The following TAFA5 variants were observed in gnomAD, a reference collection of about 807,000 sequenced individuals.
The protein encoded by TAFA5 is chemokine-like protein TAFA-5.
A neutral mutation model predicts 15.3 loss-of-function variants in TAFA5; 6 were observed. The ratio of observed to expected loss-of-function variants is 0.39; its 90% CI spans 0.21 to 0.77. The LOEUF is 0.77. Among genes scored for constraint, TAFA5 ranks in the 30% least tolerant of loss-of-function variants. The pLI is 0.41. For synonymous variants in TAFA5, 103 were observed against 80.7 expected, an observed-to-expected ratio of 1.28 and a Z score of -1.48; for missense variants, 161 against 193.1, an observed-to-expected ratio of 0.83 and a Z score of 0.98.
At position 48,598,090 on chromosome 22, in the gene TAFA5, T is replaced by TGCAGGGAAGAGGGCAGGCTGGAGAC. The variant is rs1924836281; in HGVS notation, c.113-48502_113-48478dup. Among the ~76,000 whole-genome samples the TGCAGGGAAGAGGGCAGGCTGGAGAC allele has an allele frequency of 6.6e-6, 1 of 152,180 alleles. No individual in the cohort carries two copies. Among genetic ancestry groups the TGCAGGGAAGAGGGCAGGCTGGAGAC allele is most frequent in the African/African-American group, 2.4e-5 (1 of 41,440 alleles). Reference sequence around the variant, plus strand: ...TTTCAGAGGCTGTCAGTATGACATCTGCAGGGAAGAGGGCAGGCTGGAGAC... The same window carrying TGCAGGGAAGAGGGCAGGCTGGAGAC: ...TTTCAGAGGCTGTCAGTATGACATCTGCAGGGAAGAGGGCAGGCTGGAGACGCAGGGAAGAGGGCAGGCTGGAGAC... On this transcript the variant is annotated intron_variant, in intron 1 of 3. Transcript: ENST00000402357. The surrounding 1 kb of genome is among the most constrained non-coding windows in gnomAD (Gnocchi z 4.0).
intron 1 of TAFA5, among the ~76,000 whole-genome samples, chr22:48,512,254 C>T (rs1349140244): frequency 1.3e-5 from 2 of 152,196 alleles, no homozygotes; most frequent in Admixed American, 1.3e-4. Flanking sequence ...CGCTGCGCGG[C>T]CACAGTGCAG....
At chr22:48,568,702 T>A (rs1039253282) in intron 1 of TAFA5, among the ~76,000 whole-genome samples, 2 of 152,196 alleles carry the variant, frequency 1.3e-5, no homozygotes, top group African/African-American at 4.8e-5. Flanking sequence ...TGGCCAGCGG[T>A]CTGGTCACAA....
Position 48,490,792 on chromosome 22 carries a change from AAAG to A in TAFA5, c.112+1089_112+1091del, listed in dbSNP as rs1367451127. Among the ~76,000 whole-genome samples the A allele has an allele frequency of 7.0e-6, 1 of 141,906 alleles. No individual in the cohort carries two copies. The highest frequency in any genetic ancestry group is 1.5e-5 in the Non-Finnish European group (1 of 66,112). The allele number at this position is 141,906 out of a possible 152,430, so 93.1% of individuals were successfully genotyped here. ...TGGATTCTTTACAAAAAAAAAAAAAAAAGGCCAGCACCGAACCTCCCTCCACAG... is the reference window on the plus strand; with the variant it reads ...TGGATTCTTTACAAAAAAAAAAAAAAGCCAGCACCGAACCTCCCTCCACAG... On this transcript the variant is annotated intron_variant, in intron 1 of 3. Coordinates refer to ENST00000402357, the MANE Select transcript of TAFA5 (RefSeq NM_001082967.3). This position sits in a 1 kb window ranked among gnomAD's most constrained non-coding sequence, Gnocchi z 5.8.
rs190929196 is a variant in TAFA5 at position 48,550,883 on chromosome 22, C to A, written c.112+61179C>A. On this transcript the variant is annotated intron_variant, in intron 1 of 3. Coordinates refer to ENST00000402357, the MANE Select transcript of TAFA5 (RefSeq NM_001082967.3). This position sits in a 1 kb window ranked among gnomAD's most constrained non-coding sequence, Gnocchi z 4.1. ...TGGATCCCTTTCGTTCCTGTGTCACCTGGGGGTGAGGCAGACATTCCTAGT... is the reference window on the plus strand; with the variant it reads ...TGGATCCCTTTCGTTCCTGTGTCACATGGGGGTGAGGCAGACATTCCTAGT... Among the ~76,000 whole-genome samples, 59 of 152,214 alleles carry A rather than the reference C, an allele frequency of 3.9e-4. No homozygotes were observed. The highest frequency in any genetic ancestry group is 5.9e-5 in the Non-Finnish European group (4 of 67,994).
chr22:48,641,155 G>A (rs1009999789), intron 1 of TAFA5, among the ~76,000 whole-genome samples: 3 of 151,806 alleles, frequency 2.0e-5, no homozygotes, highest in African/African-American at 7.3e-5. Flanking sequence ...GACCGTGGGG[G>A]CACCGTGGCC....
At chr22:48,631,938 G>A (rs548287480) in intron 1 of TAFA5, among the ~76,000 whole-genome samples, 5 of 152,280 alleles carry the variant, frequency 3.3e-5, no homozygotes, top group African/African-American at 1.2e-4. Context: ...GCAGACATGC[G>A]TGCCCACCTC....
At position 48,570,029 on chromosome 22, in the gene TAFA5, G is replaced by C. The variant is rs905395634; in HGVS notation, c.113-76568G>C. On this transcript the variant is annotated intron_variant, in intron 1 of 3. Transcript: ENST00000402357. ...TTCCTGGCCGACATGCTCACGTGCA[G>C]ATCACCCCTCTTTCTGGCTCAGCCT... 2.0e-5 allele frequency among the ~76,000 whole-genome samples: 3 copies of C among 152,236 alleles called. No individual in the cohort carries two copies. The East Asian group carries it at 5.8e-4, about 29-fold the overall frequency.
At chr22:48,640,465 C>T (rs550156323) in intron 1 of TAFA5, among the ~76,000 whole-genome samples, 2 of 152,134 alleles carry the variant, frequency 1.3e-5, no homozygotes, top group African/African-American at 2.4e-5. Flanking sequence ...TCAGCTGTCA[C>T]GGGGAGTGTG....
Position 48,502,252 on chromosome 22 carries a change from A to T in TAFA5, c.112+12548A>T, listed in dbSNP as rs76522143. Reference sequence around the variant, plus strand: ...TCTGCTTGGAGCTTTGTTGAGGCCGATGGTCTGAGATTAACATACAATGGG... The same window carrying T: ...TCTGCTTGGAGCTTTGTTGAGGCCGTTGGTCTGAGATTAACATACAATGGG... On this transcript the variant is annotated intron_variant, in intron 1 of 3. Coordinates refer to ENST00000402357, the MANE Select transcript of TAFA5 (RefSeq NM_001082967.3). Among the ~76,000 whole-genome samples, 12 of 152,286 alleles carry T rather than the reference A, an allele frequency of 7.9e-5. No homozygotes were observed. In the East Asian group the frequency reaches 2.3e-3, roughly 29 times the overall value.
At position 48,518,625 on chromosome 22, in the gene TAFA5, ACT is replaced by A. The variant is rs927305303; in HGVS notation, c.112+28927_112+28928del. Among the ~76,000 whole-genome samples, 149 of 152,124 alleles carry A rather than the reference ACT, an allele frequency of 9.8e-4. 2 individuals are homozygous for A. Among genetic ancestry groups the A allele is most frequent in the African/African-American group, 3.5e-3 (146 of 41,510 alleles). On this transcript the variant is annotated intron_variant, in intron 1 of 3. Coordinates refer to ENST00000402357, the MANE Select transcript of TAFA5 (RefSeq NM_001082967.3). ...TCTTACCCTCCAGCCTGGGAGGCGG[ACT>A]CTCTCAGAGCAGGGGTGCTCAGCAG...
At chr22:48,630,181 G>C (rs781397690) in intron 1 of TAFA5, among the ~76,000 whole-genome samples, 2 of 150,746 alleles carry the variant, frequency 1.3e-5, no homozygotes, top group Non-Finnish European at 2.9e-5. Flanking sequence ...TGGAGTGGGA[G>C]GCTGCAAATT....
intron 1 of TAFA5, among the ~76,000 whole-genome samples, chr22:48,632,265 C>T (rs769322477): frequency 9.2e-5 from 14 of 152,170 alleles, no homozygotes; most frequent in Non-Finnish European, 1.8e-4. Context: ...TGGGTTGAGG[C>T]TTTTCTGATC....
At chr22:48,528,121 T>C (rs1364311596) in intron 1 of TAFA5, among the ~76,000 whole-genome samples, 1 of 152,200 alleles carries the variant, frequency 6.6e-6, no homozygotes, top group Non-Finnish European at 1.5e-5. Context: ...GGCCCCGCGA[T>C]GGCTCTGATG....
At chr22:48,586,495 T>TC (rs1924367825) in intron 1 of TAFA5, among the ~76,000 whole-genome samples, 1 of 151,638 alleles carries the variant, frequency 6.6e-6, no homozygotes, top group African/African-American at 2.4e-5. Flanking sequence ...TCCACGGGGG[T>TC]CCCCTGACAG....
chr22:48,586,054 G>T (rs2147152467), intron 1 of TAFA5, among the ~76,000 whole-genome samples: 1 of 152,338 alleles, frequency 6.6e-6, no homozygotes, highest in Admixed American at 6.5e-5. Context: ...CTGCAGCCTT[G>T]TCCCCATCCT....
intron 1 of TAFA5, among the ~76,000 whole-genome samples, chr22:48,596,584 G>A (rs116261210): frequency 0.011 from 1,627 of 152,170 alleles, 32 homozygotes; most frequent in African/African-American, 0.037. Flanking sequence ...ACAGGGTCCC[G>A]TGATAACAGC....
At chr22:48,527,803 G>C (rs533331760) in intron 1 of TAFA5, among the ~76,000 whole-genome samples, 2 of 152,214 alleles carry the variant, frequency 1.3e-5, no homozygotes, top group African/African-American at 2.4e-5. Flanking sequence ...GATGGTGGCC[G>C]GGAGGTCAGA....
rs778985695 is a variant in TAFA5, at chr22:48,566,934, C to G, written c.112+77230C>G. Among the ~76,000 whole-genome samples the G allele has an allele frequency of 2.0e-4, 30 of 152,184 alleles. No individual in the cohort carries two copies. The highest frequency in any genetic ancestry group is 4.0e-4 in the Non-Finnish European group (27 of 68,032). ...CAGTGGGTTGGGTTTGTCCTTTCTC[C>G]TTTGCTCCGCAGCACTGCTGCCTGC... On this transcript the variant is annotated intron_variant, in intron 1 of 3. Coordinates refer to ENST00000402357, the MANE Select transcript of TAFA5 (RefSeq NM_001082967.3). This position sits in a 1 kb window ranked among gnomAD's most constrained non-coding sequence, Gnocchi z 4.5.
chr22:48,715,123 C>G (rs4988655), intron 3 of TAFA5, among the ~76,000 whole-genome samples: 8,167 of 152,292 alleles, frequency 0.054, 318 homozygotes, highest in Admixed American at 0.09. Context: ...CCCCAGTGGA[C>G]ATGAACTTTG....
Sources: gnomAD v4.1 joint callset for allele counts (sites outside exome capture counted in the v4.1 genomes callset) on GRCh38, gnomAD v4.1.1 for gene constraint, Gnocchi (gnomAD v3.1) non-coding constraint, MANE v1.5 for transcripts, NCBI Gene and HGNC (gene_info 2026-07-23, HGNC 2026-07-21) for gene names.